Variants in TBC1D22A observed in about 807,000 individuals in gnomAD.
TBC1D22A encodes the protein TBC1 domain family member 22A, also known as putative GTPase activator.
Under a neutral mutation model 60.2 loss-of-function variants are expected in TBC1D22A, and 38 were observed. That is an observed-to-expected ratio of 0.63 (90% CI 0.49 to 0.83). The LOEUF is 0.83. Among genes scored for constraint, TBC1D22A ranks in the 40% least tolerant of loss-of-function variants. The probability of loss-of-function intolerance (pLI) is 0.00; values close to 1 mark genes in which losing one functional copy is unlikely to be tolerated. For synonymous variants in TBC1D22A, 302 were observed against 281.7 expected (o/e 1.07, Z -0.72); for missense variants, 628 against 701.0 (o/e 0.90, Z 1.18).
intron 11 of TBC1D22A, among the ~76,000 whole-genome samples, chr22:47,080,645 A>G (rs1473423615): frequency 6.6e-6 from 1 of 151,756 alleles, no homozygotes; most frequent in East Asian, 1.9e-4. Context: ...ATATATATGA[A>G]TGAAAAGAAG....
At chr22:47,025,419 GAATTA>G (rs1352538862) in intron 10 of TBC1D22A, among the ~76,000 whole-genome samples, 2 of 152,138 alleles carry the variant, frequency 1.3e-5, no homozygotes, top group Non-Finnish European at 2.9e-5. Flanking sequence ...TAGCACAATG[GAATTA>G]AATTAGCAAT....
chr22:46,972,392 C>G (rs900116723), intron 8 of TBC1D22A, among the ~76,000 whole-genome samples: 1 of 152,192 alleles, frequency 6.6e-6, no homozygotes, highest in Non-Finnish European at 1.5e-5. Flanking sequence ...GTGGAGACAG[C>G]CCAGGGTCTA....
intron 11 of TBC1D22A, among the ~76,000 whole-genome samples, chr22:47,045,041 C>G (rs1005952043): frequency 6.6e-6 from 1 of 152,216 alleles, no homozygotes; most frequent in Non-Finnish European, 1.5e-5. Flanking sequence ...CCCCTGTCAG[C>G]CTCCATGGCC....
intron 4 of TBC1D22A, among the ~76,000 whole-genome samples, chr22:46,852,293 G>C (rs115188187): frequency 6.6e-6 from 1 of 152,162 alleles, no homozygotes; most frequent in African/African-American, 2.4e-5. Context: ...CCGGCTTCCC[G>C]GCCCGCAGAG....
chr22:47,053,282 G>A (rs138201688), intron 11 of TBC1D22A, among the ~76,000 whole-genome samples: 486 of 152,326 alleles, frequency 3.2e-3, no homozygotes, highest in African/African-American at 0.011. Flanking sequence ...TGGGGTGGAC[G>A]TGTCTTTGTT....
chr22:46,792,722 G>A lies in TBC1D22A; in HGVS notation c.119+146G>A, dbSNP rs779536439. 2.1e-4 allele frequency: 333 copies of A among 1,556,190 alleles called. 1 individual carries two copies. Among genetic ancestry groups the A allele is most frequent in the Non-Finnish European group, 2.6e-4 (305 of 1,151,346 alleles). On this transcript the variant is annotated intron_variant, in intron 2 of 12. Transcript: ENST00000337137. ...ATTCAGCCACACTGATCAAGCAGTC[G>A]CTTTGTGTGAGATACTGTGCACCCC...
intron 4 of TBC1D22A, among the ~76,000 whole-genome samples, chr22:46,826,554 G>A (rs192617231): frequency 1.3e-5 from 2 of 152,298 alleles, no homozygotes; most frequent in Admixed American, 1.3e-4. Flanking sequence ...TTGTCCTAGT[G>A]TGTTTGGGAG....
intron 11 of TBC1D22A, among the ~76,000 whole-genome samples, chr22:47,095,271 G>A (rs2065129216): frequency 1.3e-5 from 2 of 152,216 alleles, no homozygotes; most frequent in South Asian, 4.1e-4. Flanking sequence ...TCATTTGAAT[G>A]GCCTCAAAAC....
intron 1 of TBC1D22A, among the ~76,000 whole-genome samples, chr22:46,776,847 A>T (rs907540452): frequency 2.0e-5 from 3 of 152,054 alleles, no homozygotes; most frequent in Non-Finnish European, 4.4e-5. Context: ...AGGACACTGC[A>T]CAGGCCTCAT....
intron 8 of TBC1D22A, among the ~76,000 whole-genome samples, chr22:46,916,530 C>T (rs2070378780): frequency 6.6e-6 from 1 of 152,246 alleles, no homozygotes; most frequent in African/African-American, 2.4e-5. Context: ...ATGCTGTGCA[C>T]ACAGGCGTGC....
chr22:47,173,722 A>G lies in TBC1D22A; in HGVS notation c.*96A>G, dbSNP rs927722532. 12 of 1,571,496 alleles carry G rather than the reference A, an allele frequency of 7.6e-6. No individual in the cohort carries two copies. The highest frequency in any genetic ancestry group is 9.5e-6 in the Non-Finnish European group (11 of 1,155,924). ...CCCTGTGAGCTGGTCCCGGGCTGCT[A>G]AAAGGCCTTGTGAGGTGGCCCCACC... is the stretch of plus-strand genomic sequence containing the variant. On this transcript the variant is annotated 3_prime_UTR_variant, in exon 13 of 13. Coordinates refer to ENST00000337137, the MANE Select transcript of TBC1D22A (RefSeq NM_014346.5).
At chr22:47,035,534 T>G (rs980167216) in intron 10 of TBC1D22A, among the ~76,000 whole-genome samples, 4 of 152,126 alleles carry the variant, frequency 2.6e-5, no homozygotes, top group Admixed American at 2.6e-4. Context: ...TACCCCACAG[T>G]GTGAAGCAGG....
chr22:47,077,505 T>G (rs1227924777), intron 11 of TBC1D22A, among the ~76,000 whole-genome samples: 3 of 152,234 alleles, frequency 2.0e-5, no homozygotes, highest in African/African-American at 7.2e-5. Context: ...TTCTTATTGC[T>G]TCGGTTCTGC....
Position 47,106,291 on chromosome 22 carries a change from T to C in TBC1D22A, c.1330-5217T>C, listed in dbSNP as rs138863534. 2.2e-4 allele frequency among the ~76,000 whole-genome samples: 33 copies of C among 152,318 alleles called. No homozygotes were observed. The East Asian group carries it at 6.4e-3, about 29-fold the overall frequency. On this transcript the variant is annotated intron_variant, in intron 11 of 12. Coordinates refer to ENST00000337137, the MANE Select transcript of TBC1D22A (RefSeq NM_014346.5). ...GATAATGGATGACCATTTCCAAAAC[T>C]GATGAAAACTACTTATTCCCCAGAT...
In TBC1D22A at chr22:47,019,880, C is replaced by T. The variant is rs1215715690; in HGVS notation, c.1202-17191C>T. On this transcript the variant is annotated intron_variant, in intron 10 of 12. Transcript: ENST00000337137. Reference sequence around the variant, plus strand: ...TCTTCATCCTTCCCCTCTCCCTTAACCCTCCATCCTCTCCTCTCCCTTAAC... The same window carrying T: ...TCTTCATCCTTCCCCTCTCCCTTAATCCTCCATCCTCTCCTCTCCCTTAAC... 3.0e-4 allele frequency among the ~76,000 whole-genome samples: 45 copies of T among 151,234 alleles called. 1 individual carries two copies. Among genetic ancestry groups the T allele is most frequent in the Admixed American group, 2.9e-3 (44 of 15,192 alleles).
chr22:47,144,285 C>T (rs2067213197), intron 12 of TBC1D22A, among the ~76,000 whole-genome samples: 1 of 152,242 alleles, frequency 6.6e-6, no homozygotes, highest in Non-Finnish European at 1.5e-5. Flanking sequence ...CCGCAGCCGC[C>T]CGTTTCCCTT....
intron 11 of TBC1D22A, among the ~76,000 whole-genome samples, chr22:47,094,334 A>G (rs1171956642): frequency 6.6e-6 from 1 of 152,196 alleles, no homozygotes; most frequent in Non-Finnish European, 1.5e-5. Flanking sequence ...CATTTAAGTC[A>G]GGGGACTTTG....
chr22:47,001,470 A>C (rs1167333554), intron 10 of TBC1D22A, among the ~76,000 whole-genome samples: 1 of 145,700 alleles, frequency 6.9e-6, no homozygotes, highest in Non-Finnish European at 1.5e-5. Flanking sequence ...AAAAAAAAAA[A>C]GTTGGGTGAT....
chr22:47,045,660 CA>C (rs1419060639), intron 11 of TBC1D22A, among the ~76,000 whole-genome samples: 1 of 152,196 alleles, frequency 6.6e-6, no homozygotes, highest in Admixed American at 6.5e-5. Context: ...ATTTCTTGCT[CA>C]CTAGTCCCTT....
Sources: gnomAD v4.1 joint callset for allele counts (sites outside exome capture counted in the v4.1 genomes callset) on GRCh38, gnomAD v4.1.1 for gene constraint, MANE v1.5 for transcripts, NCBI Gene and HGNC (gene_info 2026-07-23, HGNC 2026-07-21) for gene names.